Variants in KCNN1 observed in about 807,000 individuals in gnomAD.
KCNN1 encodes the protein small conductance calcium-activated potassium channel protein 1.
KCNN1 carries 20 observed loss-of-function variants against 44.7 expected under a neutral mutation model. That is an observed-to-expected ratio of 0.45 (90% CI 0.32 to 0.65). The LOEUF is 0.65. Among genes scored for constraint, KCNN1 ranks in the 30% least tolerant of loss-of-function variants. The probability of loss-of-function intolerance (pLI) is 0.05; values close to 1 mark genes in which losing one functional copy is unlikely to be tolerated. For missense variants in KCNN1, 632 were observed against 785.3 expected, an observed-to-expected ratio of 0.80 and a Z score of 2.33; for synonymous variants, 324 against 341.7, an observed-to-expected ratio of 0.95 and a Z score of 0.57.
Position 17,974,977 on chromosome 19 carries a change from T to G in KCNN1, c.403-115T>G. ...TTCAGGGTACAGTGGGAGAAGCCAC[T>G]GGGAAGAGCCCCATTTAGCTGACTC... On this transcript the variant is annotated intron_variant, in intron 2 of 9. Transcript: ENST00000684775. This position sits in a 1 kb window ranked among gnomAD's most constrained non-coding sequence, Gnocchi z 7.3. 1.3e-6 allele frequency: 1 copy of G among 749,820 alleles called. No individual in the cohort carries two copies. Among genetic ancestry groups the G allele is most frequent in the South Asian group, 1.5e-5 (1 of 65,212 alleles). The allele number at this position is 749,820 out of a possible 1,614,324, so 46.4% of individuals were successfully genotyped here. A position where few individuals can be genotyped will look rare whatever the true frequency, so the allele number is the denominator to read the frequency against.
chr19:17,987,115 C>CT (rs796678708), intron 5 of KCNN1, among the ~76,000 whole-genome samples: 3,778 of 141,716 alleles, frequency 0.027, 53 homozygotes, highest in Middle Eastern at 0.055. Context: ...CCCTTTTTTT[C>CT]TTTTTTTTTT....
At chr19:17,980,094 C>G (rs191542284) in intron 3 of KCNN1, among the ~76,000 whole-genome samples, 1 of 149,764 alleles carries the variant, frequency 6.7e-6, no homozygotes, top group Admixed American at 6.7e-5. Context: ...ACAAGAGTCT[C>G]ACTCTGTTGC....
rs1380127928 is a variant in KCNN1 at position 17,981,863 on chromosome 19, C to T, written c.653C>T (p.Ala218Val). The change falls in exon 4 of 10, where the codon GCG becomes GTG. Residue 218 changes from alanine (A) to valine (V), a missense_variant. Ala to Val is a moderately conservative substitution (Grantham distance 64, BLOSUM62 0). Coordinates refer to ENST00000684775, the MANE Select transcript of KCNN1 (RefSeq NM_001386974.1). ...ACGGCGCGGCTGGCCTTCACGTACG[C>T]GCCCTCGGTGGCCGAGGCCGACGTG... ...TWTARLAFTY[A>V]PSVAEADVDV... The T allele has an allele frequency of 5.6e-6, 9 of 1,612,588 alleles. No individual in the cohort carries two copies. The highest frequency in any genetic ancestry group is 1.7e-4 in the Middle Eastern group (1 of 6,056).
At position 17,981,876 on chromosome 19, in the gene KCNN1, C is replaced by G. The variant is rs1244024478; in HGVS notation, c.666C>G (p.Ala222=). Residue 222 remains alanine (A), a synonymous_variant, in exon 4 of 10, where the codon GCC becomes GCG. Transcript: ENST00000684775. The stretch of plus-strand genomic sequence containing the variant: ...CCTTCACGTACGCGCCCTCGGTGGC[C>G]GAGGCCGACGTGGACGTGCTGCTGT... ...RLAFTYAPSV[A]EADVDVLLSI... is the part of the protein sequence containing the mutation. 4 of 1,612,368 alleles carry G rather than the reference C, an allele frequency of 2.5e-6. No individual in the cohort carries two copies. Among genetic ancestry groups the G allele is most frequent in the Non-Finnish European group, 3.4e-6 (4 of 1,179,014 alleles).
chr19:17,952,631 C>T (rs1599984442), intron 1 of KCNN1, among the ~76,000 whole-genome samples: 1 of 152,188 alleles, frequency 6.6e-6, no homozygotes, highest in Non-Finnish European at 1.5e-5. Flanking sequence ...TCCTCCACGC[C>T]TGCACCCTCC....
intron 1 of KCNN1, among the ~76,000 whole-genome samples, chr19:17,970,289 A>ATTTTG (rs2031968044): frequency 1.8e-5 from 1 of 56,864 alleles, no homozygotes; most frequent in Non-Finnish European, 3.1e-5. Flanking sequence ...AGAAGGAATG[A>ATTTTG]TTTTTTTTTT....
At position 17,974,096 on chromosome 19, in the gene KCNN1, G is replaced by C; in HGVS notation, c.208G>C (p.Glu70Gln). 1 of 1,612,122 alleles carries C rather than the reference G, an allele frequency of 6.2e-7. No homozygotes were observed. The highest frequency in any genetic ancestry group is 8.5e-7 in the Non-Finnish European group (1 of 1,179,818). Residue 70 changes from glutamate (E) to glutamine (Q), a missense_variant, in exon 2 of 10, where the codon GAG becomes CAG. Glu to Gln is a conservative substitution (Grantham distance 29, BLOSUM62 2). Around this residue, in one of 3 missense-constraint regions of KCNN1, gnomAD observed 235 missense variants for 224.0 expected, o/e 1.05. Coordinates refer to ENST00000684775, the MANE Select transcript of KCNN1 (RefSeq NM_001386974.1). This position sits in a 1 kb window ranked among gnomAD's most constrained non-coding sequence, Gnocchi z 7.3. ...RGQPQDQDDDEDDEEDEAGRQ... is the reference protein window; with the variant it reads ...RGQPQDQDDDQDDEEDEAGRQ... ...GCAGCCCCAGGACCAGGACGATGAC[G>C]AGGATGATGAGGAAGATGAGGCCGG...
At chr19:17,992,148 C>A (rs546663271) in intron 7 of KCNN1, among the ~76,000 whole-genome samples, 1 of 152,110 alleles carries the variant, frequency 6.6e-6, no homozygotes, top group African/African-American at 2.4e-5. Flanking sequence ...TGGTGAAACC[C>A]CATCTCTACT....
At chr19:17,992,516 G>A (rs1366202856) in intron 7 of KCNN1, among the ~76,000 whole-genome samples, 5 of 152,176 alleles carry the variant, frequency 3.3e-5, no homozygotes, top group Admixed American at 1.3e-4. Context: ...CAGGAGAATC[G>A]CTTGAACCGG....
At chr19:17,990,472 A>G (rs563860839) in intron 7 of KCNN1, among the ~76,000 whole-genome samples, 2 of 142,872 alleles carry the variant, frequency 1.4e-5, no homozygotes, top group Admixed American at 1.4e-4. Context: ...ACAAAGTGAG[A>G]CCTTGTCTCA....
At position 17,985,299 on chromosome 19, in the gene KCNN1, C is replaced by G. The variant is rs1287241368; in HGVS notation, c.918-13C>G. 6.3e-7 allele frequency: 1 copy of G among 1,581,100 alleles called. No individual in the cohort carries two copies. Among genetic ancestry groups the G allele is most frequent in the Non-Finnish European group, 8.6e-7 (1 of 1,161,386 alleles). On this transcript the variant is annotated splice_polypyrimidine_tract_variant and intron_variant, in intron 4 of 9. Transcript: ENST00000684775. ...AGACTGAGCCCTCCCTCTTCCCACT[C>G]TGGCTCCCCCAGGTACCACGACAAG...
chr19:17,970,862 A>C (rs1026339866), intron 1 of KCNN1, among the ~76,000 whole-genome samples: 1 of 151,076 alleles, frequency 6.6e-6, no homozygotes, highest in African/African-American at 2.4e-5. Context: ...AAAGTCACCC[A>C]TGTCCAACTC....
intron 2 of KCNN1, among the ~76,000 whole-genome samples, chr19:17,960,532 A>G (rs1438742343): frequency 1.3e-5 from 2 of 152,146 alleles, no homozygotes; most frequent in Non-Finnish European, 2.9e-5. Flanking sequence ...CGGGAGGCTG[A>G]GGCAGGAGAA....
At chr19:17,951,808 T>C (rs2031416204) in intron 1 of KCNN1, among the ~76,000 whole-genome samples, 1 of 152,148 alleles carries the variant, frequency 6.6e-6, no homozygotes, top group South Asian at 2.1e-4. Flanking sequence ...TTTAATTGTC[T>C]GCCTTCCTCT....
At chr19:17,955,792 G>A (rs1329541971) in intron 2 of KCNN1, among the ~76,000 whole-genome samples, 6 of 66,824 alleles carry the variant, frequency 9.0e-5, no homozygotes, top group Admixed American at 3.3e-4. Flanking sequence ...TCCCGCCCCC[G>A]CCCCCCACAC....
Position 17,998,098 on chromosome 19 carries a change from C to T in KCNN1, c.1378-54C>T. 6.7e-7 allele frequency: 1 copy of T among 1,503,708 alleles called. No individual in the cohort carries two copies. Among genetic ancestry groups the T allele is most frequent in the South Asian group, 1.3e-5 (1 of 76,036 alleles). 93.1% of individuals were successfully genotyped at this position (1,503,708 alleles called of 1,614,324 possible). ...CTGTCATTGGTGTCGTGGTATCGTC[C>T]TTTCCTCTCTCACTCAGCGGCGCCT... On this transcript the variant is annotated intron_variant, in intron 9 of 9. Transcript: ENST00000684775. This position sits in a 1 kb window ranked among gnomAD's most constrained non-coding sequence, Gnocchi z 5.4.
intron 4 of KCNN1, among the ~76,000 whole-genome samples, chr19:17,984,410 G>A (rs1322613272): frequency 1.3e-5 from 2 of 152,086 alleles, no homozygotes; most frequent in South Asian, 2.1e-4. Context: ...CCACTTCCTC[G>A]GTGCTACCCC....
upstream of KCNN1, among the ~76,000 whole-genome samples, chr19:17,962,285 C>T (rs185676480): frequency 7.9e-5 from 12 of 152,274 alleles, no homozygotes; most frequent in East Asian, 1.9e-4. Flanking sequence ...CTGCCTGTCA[C>T]GCCCAGGCTC....
intron 9 of KCNN1, among the ~76,000 whole-genome samples, chr19:17,994,194 C>A (rs1406260616): frequency 6.6e-6 from 1 of 151,856 alleles, no homozygotes; most frequent in African/African-American, 2.4e-5. Context: ...CCTATAATCC[C>A]TGTACTTTGG....
Sources: allele counts gnomAD v4.1 joint callset (sites outside exome capture counted in the v4.1 genomes callset), GRCh38; gene constraint gnomAD v4.1.1; regional missense constraint gnomAD v4.1.1; non-coding constraint Gnocchi (gnomAD v3.1); transcripts MANE v1.5; gene names NCBI Gene and HGNC (gene_info 2026-07-23, HGNC 2026-07-21).